TRIT1: variants seen among roughly 807,000 people sequenced by gnomAD.
TRIT1 encodes the protein tRNA isopentenyltransferase 1, also known as tRNA dimethylallyltransferase.
Under a neutral mutation model 51.2 loss-of-function variants are expected in TRIT1, and 43 were observed. That is an observed-to-expected ratio of 0.84 (90% confidence interval 0.66 to 1.08). The LOEUF is 1.08. TRIT1 is among the 50% of genes least tolerant of loss of function. The pLI is 0.00. For missense variants in TRIT1, 528 were observed against 578.4 expected (o/e 0.91, Z 0.89); for synonymous variants, 184 against 203.9 (o/e 0.90, Z 0.83).
intron 1 of TRIT1, among the ~76,000 whole-genome samples, chr1:39,874,621 C>A (rs1010830769): frequency 6.6e-6 from 1 of 151,752 alleles, no homozygotes; most frequent in South Asian, 2.1e-4. Context: ...TGTCTCTGTA[C>A]TTTTCAGTAT....
intron 1 of TRIT1, among the ~76,000 whole-genome samples, chr1:39,875,112 C>T (rs574930766): frequency 1.3e-5 from 2 of 152,276 alleles, no homozygotes; most frequent in East Asian, 3.9e-4. Flanking sequence ...AGCCCAACTC[C>T]AGCCTCTCTC....
chr1:39,874,698 T>C (rs1643991120), intron 1 of TRIT1, among the ~76,000 whole-genome samples: 1 of 151,850 alleles, frequency 6.6e-6, no homozygotes, highest in South Asian at 2.1e-4. Context: ...GGAGTTTCGC[T>C]CTTGTTGCCC....
intron 1 of TRIT1, among the ~76,000 whole-genome samples, chr1:39,882,843 A>T (rs1644305557): frequency 6.6e-6 from 1 of 152,240 alleles, no homozygotes; most frequent in Non-Finnish European, 1.5e-5. Flanking sequence ...AGGTCTCCTG[A>T]CTGTCAACCC....
intron 1 of TRIT1, among the ~76,000 whole-genome samples, chr1:39,876,528 GTATC>G (rs1553147778): frequency 0.09 from 11,491 of 127,574 alleles, 547 homozygotes; most frequent in African/African-American, 0.19. Context: ...ATTTATATGT[GTATC>G]TATCTATCTA....
chr1:39,851,103 TAACGC>T lies in TRIT1; in HGVS notation c.561-847_561-843del, dbSNP rs1277682682. Among the ~76,000 whole-genome samples the T allele has an allele frequency of 5.3e-5, 8 of 152,264 alleles. No homozygotes were observed. The East Asian group carries it at 1.3e-3, about 26-fold the overall frequency. ...GACCCAATTCTACTTCCTGAAACCC[TAACGC>T]AAGAGTGTAGACCCCCTTGTCTTTC... is the stretch of plus-strand genomic sequence containing the variant. On this transcript the variant is annotated intron_variant, in intron 4 of 10. Coordinates refer to ENST00000316891, the MANE Select transcript of TRIT1 (RefSeq NM_017646.6).
intron 1 of TRIT1, among the ~76,000 whole-genome samples, chr1:39,872,477 C>T (rs1051016982): frequency 6.6e-6 from 1 of 151,992 alleles, no homozygotes; most frequent in Admixed American, 6.6e-5. Context: ...CTACAGGTTA[C>T]ACAAATAAGT....
intron 1 of TRIT1, among the ~76,000 whole-genome samples, chr1:39,879,228 G>A (rs1280493203): frequency 6.6e-6 from 1 of 151,884 alleles, no homozygotes; most frequent in Non-Finnish European, 1.5e-5. Flanking sequence ...AAGATCATGA[G>A]CCTGGGTGAC....
chr1:39,876,556 CTA>C (rs60513884), intron 1 of TRIT1, among the ~76,000 whole-genome samples: 11 of 141,312 alleles, frequency 7.8e-5, no homozygotes, highest in African/African-American at 3.0e-4. Flanking sequence ...ATCTATCTAT[CTA>C]TATATATATA....
intron 9 of TRIT1, 68 bp downstream of exon 9, chr1:39,844,463 A>G: frequency 7.9e-7 from 1 of 1,266,176 alleles, no homozygotes; most frequent in Non-Finnish European, 1.1e-6. Context: ...CAATATAGCA[A>G]CAAAGGTGTC....
At chr1:39,855,450 T>C (rs1165184918) in intron 2 of TRIT1, among the ~76,000 whole-genome samples, 1 of 152,190 alleles carries the variant, frequency 6.6e-6, no homozygotes, top group Non-Finnish European at 1.5e-5. Context: ...ACAAGTTAAA[T>C]ATCCCTTATC....
chr1:39,880,169 G>A (rs553576759), intron 1 of TRIT1, among the ~76,000 whole-genome samples: 177 of 52,836 alleles, frequency 3.3e-3, no homozygotes, highest in African/African-American at 0.012. Flanking sequence ...GCAATACTCC[G>A]TCTCAAAACA....
intron 6 of TRIT1, 64 bp downstream of exon 6, chr1:39,847,922 G>T: frequency 6.8e-7 from 1 of 1,479,412 alleles, no homozygotes; most frequent in Non-Finnish European, 9.4e-7. Flanking sequence ...CAGTATTAGC[G>T]TTATGGTCTT....
rs1642732964 is a variant in TRIT1 at position 39,853,818 on chromosome 1, A to G, written c.414+152T>C. On this transcript the variant is annotated intron_variant, in intron 3 of 10. Transcript: ENST00000316891. ...CAGCCTGGAGGAACACACTTCACAC[A>G]TGGAGGTGGCATTTGCTTGAGAATA... is the stretch of plus-strand genomic sequence containing the variant. 3 of 601,996 alleles carry G rather than the reference A, an allele frequency of 5.0e-6. No homozygotes were observed. The South Asian group carries it at 6.1e-5, about 12-fold the overall frequency. 37.3% of individuals were successfully genotyped at this position (601,996 alleles called of 1,614,324 possible).
rs140830599 is a variant in TRIT1 at position 39,842,051 on chromosome 1, T to C, written c.1235-138A>G. ...AGCAAGATCAACACATGTACTAGTA[T>C]AGCTGCTTAGCATTTTTAAGGGAAG... On this transcript the variant is annotated intron_variant, in intron 10 of 10. Transcript: ENST00000316891. 852 of 911,246 alleles carry C rather than the reference T, an allele frequency of 9.3e-4. 3 individuals carry two copies. In the African/African-American group the frequency reaches 0.012, roughly 13 times the overall value. 56.4% of individuals were successfully genotyped at this position (911,246 alleles called of 1,614,324 possible). A position where few individuals can be genotyped will look rare whatever the true frequency, so the allele number is the denominator to read the frequency against.
At chr1:39,872,474 T>TTACACAAATAAG (rs1643909474) in intron 1 of TRIT1, among the ~76,000 whole-genome samples, 1 of 152,036 alleles carries the variant, frequency 6.6e-6, no homozygotes, top group Non-Finnish European at 1.5e-5. Context: ...AAACTACAGG[T>TTACACAAATAAG]TACACAAATA....
intron 5 of TRIT1, 75 bp downstream of exon 5, chr1:39,850,044 C>A: frequency 6.6e-7 from 1 of 1,520,364 alleles, no homozygotes; most frequent in East Asian, 2.3e-5. Context: ...CCATGGTTCT[C>A]AGCATTTTCT....
chr1:39,855,486 T>C (rs1642841039), intron 2 of TRIT1, among the ~76,000 whole-genome samples: 1 of 152,298 alleles, frequency 6.6e-6, no homozygotes, highest in Non-Finnish European at 1.5e-5. Flanking sequence ...CAAGGAAATG[T>C]TTCAGATTTT....
rs528431829 is a variant in TRIT1 at position 39,847,919 on chromosome 1, A to T, written c.815+67T>A. 3.4e-6 allele frequency: 5 copies of T among 1,459,902 alleles called. No homozygotes were observed. In the South Asian group the frequency reaches 5.8e-5, roughly 17 times the overall value. 90.4% of individuals were successfully genotyped at this position (1,459,902 alleles called of 1,614,324 possible). ...AACAAGTAGACCCAAAGCCAGTATT[A>T]GCGTTATGGTCTTTTGATTGTCTGC... On this transcript the variant is annotated intron_variant, in intron 6 of 10. Transcript: ENST00000316891.
chr1:39,842,159 C>T (rs955932939), intron 10 of TRIT1, among the ~76,000 whole-genome samples: 3 of 152,162 alleles, frequency 2.0e-5, no homozygotes, highest in Non-Finnish European at 4.4e-5. Flanking sequence ...TTTACATCAC[C>T]AATCCTCATG....
Sources: gnomAD v4.1 joint callset for allele counts (sites outside exome capture counted in the v4.1 genomes callset) on GRCh38, gnomAD v4.1.1 for gene constraint, MANE v1.5 for transcripts, NCBI Gene and HGNC (gene_info 2026-07-23, HGNC 2026-07-21) for gene names.